Variants in GSN observed in about 807,000 individuals in gnomAD.
GSN encodes the protein actin-depolymerizing factor.
A neutral mutation model predicts 85.7 loss-of-function variants in GSN; 56 were observed. That is an observed-to-expected ratio of 0.65 (90% CI 0.53 to 0.82). The LOEUF is 0.82. Ranked by LOEUF, GSN falls within the 40% of genes least tolerant of loss-of-function variation. The pLI, the probability that GSN is intolerant of heterozygous loss-of-function variation, is 0.00. For synonymous variants in GSN, 373 were observed against 399.1 expected, an observed-to-expected ratio of 0.93 and a Z score of 0.78; for missense variants, 857 against 979.8, an observed-to-expected ratio of 0.87 and a Z score of 1.67.
chr9:121,203,772 C>G (rs969596556), upstream of GSN, among the ~76,000 whole-genome samples: 1 of 152,176 alleles, frequency 6.6e-6, no homozygotes, highest in African/African-American at 2.4e-5. Context: ...ATAGTAATAT[C>G]TCTCTCAAAT....
intron 4 of GSN, among the ~76,000 whole-genome samples, chr9:121,211,491 T>C (rs1351526347): frequency 6.6e-6 from 1 of 152,210 alleles, no homozygotes; most frequent in Non-Finnish European, 1.5e-5. Context: ...TTTTAGTAGC[T>C]GATACTGCTT....
intron 2 of GSN, among the ~76,000 whole-genome samples, chr9:121,289,126 G>A (rs556697567): frequency 6.6e-6 from 1 of 152,210 alleles, no homozygotes; most frequent in East Asian, 1.9e-4. Context: ...AGCAACAGCA[G>A]GAACCAAGTT....
intron 5 of GSN, among the ~76,000 whole-genome samples, chr9:121,247,325 C>T (rs951421276): frequency 1.3e-5 from 2 of 152,174 alleles, no homozygotes; most frequent in African/African-American, 2.4e-5. Flanking sequence ...AGGGAGCCCC[C>T]GCCACACTGC....
rs765206378 is a variant in GSN, at chr9:121,331,467, G to A, written c.2026+19G>A. The A allele has an allele frequency of 5.1e-5, 77 of 1,499,506 alleles. 1 individual carries two copies. In the South Asian group the frequency reaches 8.7e-4, roughly 17 times the overall value. 92.9% of individuals were successfully genotyped at this position (1,499,506 alleles called of 1,614,324 possible). ...ACTTCTGGTGAGGACCCGAGTGCCT[G>A]GGGGCGGGGGGAGGGGTCCGTTGCT... On this transcript the variant is annotated intron_variant, in intron 17 of 17. Transcript: ENST00000432226.
intron 5 of GSN, chr9:121,238,946 T>C (rs1226897501): frequency 5.6e-6 from 3 of 536,294 alleles, no homozygotes; most frequent in Non-Finnish European, 7.6e-6. Context: ...GCAGACTTCA[T>C]GAACAGTGAT....
At chr9:121,211,853 TG>T (rs1340998282) in intron 4 of GSN, among the ~76,000 whole-genome samples, 1 of 152,180 alleles carries the variant, frequency 6.6e-6, no homozygotes, top group East Asian at 1.9e-4. Context: ...ATATATTTTT[TG>T]AAGGGCTTTA....
At chr9:121,255,408 G>C (rs1486389593) in intron 6 of GSN, among the ~76,000 whole-genome samples, 1 of 152,072 alleles carries the variant, frequency 6.6e-6, no homozygotes, top group Non-Finnish European at 1.5e-5. Context: ...GCTAATTTTT[G>C]TATTTTTTAT....
At chr9:121,276,255 A>C (rs1363359465) in intron 1 of GSN, among the ~76,000 whole-genome samples, 1 of 152,266 alleles carries the variant, frequency 6.6e-6, no homozygotes, top group Admixed American at 6.5e-5. Context: ...TTCTTAATAC[A>C]GGCTACCCTT....
At chr9:121,295,862 C>A (rs773405090) in intron 2 of GSN, among the ~76,000 whole-genome samples, 2 of 152,236 alleles carry the variant, frequency 1.3e-5, no homozygotes, top group Non-Finnish European at 2.9e-5. Context: ...AGGACATGCT[C>A]ATGTACTGAG....
intron 2 of GSN, 141 bp from the exon 3 acceptor site, chr9:121,301,822 G>A (rs2059895780): frequency 7.4e-7 from 1 of 1,352,298 alleles, no homozygotes; most frequent in Non-Finnish European, 1.0e-6. Flanking sequence ...TGCCCAGAAG[G>A]GGATAGACTT....
intron 1 of GSN, among the ~76,000 whole-genome samples, chr9:121,280,616 A>C (rs2057251671): frequency 6.6e-6 from 1 of 152,234 alleles, no homozygotes; most frequent in Non-Finnish European, 1.5e-5. Context: ...TGCAGGCAAA[A>C]GACTTAGAAA....
intron 7 of GSN, among the ~76,000 whole-genome samples, chr9:121,316,564 G>C (rs1297200593): frequency 1.3e-5 from 2 of 152,062 alleles, no homozygotes; most frequent in African/African-American, 4.8e-5. Context: ...CCGACATCCT[G>C]GGCTCAAGTG....
rs376801564 is a variant in GSN, at chr9:121,332,631, G to T, written c.*28G>T. 1.8e-5 allele frequency: 29 copies of T among 1,593,596 alleles called. No homozygotes were observed. The African/African-American group carries it at 3.1e-4, about 17-fold the overall frequency. ...AGGGGCAGGGCCCACCCATGTCACCGGTCAGTGCCTTTTGGAACTGTCCTT... is the reference window on the plus strand; with the variant it reads ...AGGGGCAGGGCCCACCCATGTCACCTGTCAGTGCCTTTTGGAACTGTCCTT... On this transcript the variant is annotated 3_prime_UTR_variant, in exon 18 of 18. Transcript: ENST00000432226. The surrounding 1 kb of genome is among the most constrained non-coding windows in gnomAD (Gnocchi z 4.8).
In GSN at chr9:121,329,133, C is replaced by A; in HGVS notation, c.1888-105C>A. ...ATGGTGTGGCACAGAGGAAGGGGCC[C>A]CCTGCCAGCTGCAGCCAGCTGTGCC... On this transcript the variant is annotated intron_variant, in intron 15 of 17. Transcript: ENST00000432226. This position sits in a 1 kb window ranked among gnomAD's most constrained non-coding sequence, Gnocchi z 4.6. The A allele has an allele frequency of 6.6e-7, 1 of 1,512,098 alleles. No homozygotes were observed. Among genetic ancestry groups the A allele is most frequent in the South Asian group, 1.1e-5 (1 of 88,102 alleles). 93.7% of individuals were successfully genotyped at this position (1,512,098 alleles called of 1,614,324 possible).
At chr9:121,270,369 C>T (rs953181483) in intron 1 of GSN, among the ~76,000 whole-genome samples, 2 of 152,000 alleles carry the variant, frequency 1.3e-5, no homozygotes, top group East Asian at 1.9e-4. Context: ...ATGCATTGAA[C>T]GAGGCTGATC....
intron 11 of GSN, 66 bp downstream of exon 11, chr9:121,321,467 A>T: frequency 6.5e-7 from 1 of 1,540,180 alleles, no homozygotes; most frequent in Non-Finnish European, 8.9e-7. Context: ...AGGGCTGAAG[A>T]CAAACTGAGG....
upstream of GSN, among the ~76,000 whole-genome samples, chr9:121,264,068 T>C (rs1224755538): frequency 6.6e-6 from 1 of 152,058 alleles, no homozygotes. Flanking sequence ...AGCCAGACCA[T>C]ATCAATTTAT....
intron 2 of GSN, chr9:121,282,659 A>G (rs2057529772): frequency 4.1e-6 from 2 of 491,966 alleles, no homozygotes; most frequent in South Asian, 1.1e-4. Flanking sequence ...CGGCTATCCA[A>G]AGGTTCTGCT....
At position 121,260,057 on chromosome 9, in the gene GSN, G is replaced by C. The variant is rs74367882; in HGVS notation, c.-340-5097G>C. On this transcript the variant is annotated intron_variant, in intron 6 of 24. Transcript: ENST00000373823. The stretch of plus-strand genomic sequence containing the variant: ...AGCTAAGACTTTGGAGAATGGCTGT[G>C]TGAGAAGCTGAGCGTGAGTCTGGAC... Among the ~76,000 whole-genome samples, 239 of 152,360 alleles carry C rather than the reference G, an allele frequency of 1.6e-3. 7 individuals carry two copies. In the East Asian group the frequency reaches 0.037, roughly 23 times the overall value.
Sources: allele counts gnomAD v4.1 joint callset (sites outside exome capture counted in the v4.1 genomes callset), GRCh38; gene constraint gnomAD v4.1.1; non-coding constraint Gnocchi (gnomAD v3.1); transcripts MANE v1.5; gene names NCBI Gene and HGNC (gene_info 2026-07-23, HGNC 2026-07-21).